The following SRPK1 variants were observed in gnomAD, a reference collection of about 807,000 sequenced individuals.
SRPK1 encodes SRSF protein kinase 1.
A neutral mutation model predicts 89.5 loss-of-function variants in SRPK1; 52 were observed. The ratio of observed to expected loss-of-function variants is 0.58; its 90% CI spans 0.46 to 0.73. The LOEUF (loss-of-function observed/expected upper bound fraction) is 0.73. Among genes scored for constraint, SRPK1 ranks in the 30% least tolerant of loss-of-function variants. The pLI is 0.00. For synonymous variants in SRPK1, 255 were observed against 270.2 expected, an observed-to-expected ratio of 0.94 and a Z score of 0.55; for missense variants, 603 against 780.6, an observed-to-expected ratio of 0.77 and a Z score of 2.71.
chr6:35,920,660 G>C (rs1436757234), intron 1 of SRPK1, 132 bp from the exon 2 acceptor site: 1 of 558,990 alleles, frequency 1.8e-6, no homozygotes, highest in African/African-American at 2.0e-5. Flanking sequence ...GCTCCGGCGA[G>C]GCGGCCGGCC....
intron 13 of SRPK1, 130 bp from the exon 14 acceptor site, chr6:35,842,734 A>AG (rs1769338473): frequency 1.9e-6 from 1 of 516,350 alleles, no homozygotes; most frequent in African/African-American, 2.0e-5. Flanking sequence ...TTTAAAAAAA[A>AG]AAAAAAACAA....
At chr6:35,897,501 TA>T (rs1385700019) in intron 2 of SRPK1, among the ~76,000 whole-genome samples, 2 of 152,200 alleles carry the variant, frequency 1.3e-5, no homozygotes, top group African/African-American at 4.8e-5. Context: ...ATGTAGCAGT[TA>T]TTTAATTAAT....
chr6:35,848,953 C>G (rs568157997), intron 13 of SRPK1, among the ~76,000 whole-genome samples: 26 of 151,950 alleles, frequency 1.7e-4, no homozygotes, highest in Non-Finnish European at 2.8e-4. Flanking sequence ...TGGATTTGAC[C>G]CCAAAAGCCC....
chr6:35,863,255 AG>A (rs1421840275), intron 12 of SRPK1, among the ~76,000 whole-genome samples: 2 of 152,014 alleles, frequency 1.3e-5, no homozygotes, highest in Non-Finnish European at 2.9e-5. Context: ...GAGAACTTGA[AG>A]ACAGGTCCTC....
At chr6:35,902,593 CT>C (rs2127264166) in intron 2 of SRPK1, among the ~76,000 whole-genome samples, 1 of 152,288 alleles carries the variant, frequency 6.6e-6, no homozygotes, top group South Asian at 2.1e-4. Context: ...ACCTTGCCAT[CT>C]ACAGATAAGG....
intron 1 of SRPK1, 181 bp downstream of exon 1, chr6:35,920,863 C>G: frequency 3.3e-6 from 2 of 611,626 alleles, no homozygotes; most frequent in Non-Finnish European, 2.6e-6. Context: ...AGAGGACGCC[C>G]GGACTGAGGG....
chr6:35,871,038 C>T (rs758587573), intron 8 of SRPK1, 79 bp from the exon 9 acceptor site: 5 of 1,224,138 alleles, frequency 4.1e-6, no homozygotes, highest in Non-Finnish European at 5.8e-6. Context: ...AAACACTCTA[C>T]CAGAATGAAA....
intron 2 of SRPK1, among the ~76,000 whole-genome samples, chr6:35,897,892 T>C (rs751406131): frequency 4.3e-4 from 66 of 152,306 alleles, no homozygotes; most frequent in Non-Finnish European, 8.4e-4. Flanking sequence ...AAGAGGTGGG[T>C]TGAATAGATT....
chr6:35,915,768 G>A (rs748670163), intron 2 of SRPK1, among the ~76,000 whole-genome samples: 44 of 151,896 alleles, frequency 2.9e-4, no homozygotes, highest in Non-Finnish European at 5.9e-4. Context: ...GTCAGGAGAT[G>A]GAGACCATTC....
intron 2 of SRPK1, among the ~76,000 whole-genome samples, chr6:35,900,156 T>G (rs1040619396): frequency 6.6e-6 from 1 of 152,308 alleles, no homozygotes; most frequent in East Asian, 1.9e-4. Context: ...AGACTTGAGT[T>G]TGATCCTGGC....
chr6:35,886,624 T>C, intron 6 of SRPK1, 100 bp downstream of exon 6: 1 of 717,126 alleles, frequency 1.4e-6, no homozygotes, highest in Non-Finnish European at 2.5e-6. Flanking sequence ...TTTATTATAG[T>C]TTGCCTTAGA....
rs540235235 is a variant in SRPK1 at position 35,915,984 on chromosome 6, A to C, written c.74+4484T>G. Among the ~76,000 whole-genome samples the C allele has an allele frequency of 4.2e-4, 41 of 97,468 alleles. 2 individuals carry two copies. The highest frequency in any genetic ancestry group is 3.7e-3 in the Admixed American group (36 of 9,636). 63.9% of individuals were successfully genotyped at this position (97,468 alleles called of 152,430 possible). On this transcript the variant is annotated intron_variant, in intron 2 of 15. Transcript: ENST00000373825. The stretch of plus-strand genomic sequence containing the variant: ...GAGACTCTGTCTCAAAAACAAAAAA[A>C]AAAAAAAATATATACACACACACAC...
intron 12 of SRPK1, among the ~76,000 whole-genome samples, chr6:35,863,308 T>G (rs1241699421): frequency 1.3e-5 from 2 of 150,962 alleles, no homozygotes; most frequent in Non-Finnish European, 3.0e-5. Context: ...ATAAAAAAAA[T>G]TAGCTGAGCC....
At chr6:35,852,626 C>T (rs2151082707) in intron 13 of SRPK1, among the ~76,000 whole-genome samples, 1 of 152,322 alleles carries the variant, frequency 6.6e-6, no homozygotes, top group South Asian at 2.1e-4. Flanking sequence ...GTTATAACCA[C>T]CTGCAGACAT....
intron 2 of SRPK1, among the ~76,000 whole-genome samples, chr6:35,900,421 T>A (rs6908433): frequency 0.32 from 47,976 of 152,138 alleles, 7,808 homozygotes; most frequent in South Asian, 0.42. Flanking sequence ...TCTGTAGATA[T>A]CCCAGGTACT....
chr6:35,837,781 C>T (rs1256441257), intron 15 of SRPK1, among the ~76,000 whole-genome samples: 3 of 151,724 alleles, frequency 2.0e-5, no homozygotes, highest in Admixed American at 6.6e-5. Context: ...TGGTCTTGAA[C>T]TCCTAGACTC....
intron 2 of SRPK1, among the ~76,000 whole-genome samples, chr6:35,912,994 C>T (rs894737643): frequency 1.3e-5 from 2 of 152,182 alleles, no homozygotes; most frequent in Non-Finnish European, 1.5e-5. Flanking sequence ...GTTGCCCAGG[C>T]TAATCTCAAG....
chr6:35,846,952 TC>T (rs1769439692), intron 13 of SRPK1, among the ~76,000 whole-genome samples: 1 of 152,156 alleles, frequency 6.6e-6, no homozygotes, highest in African/African-American at 2.4e-5. Flanking sequence ...AAATTCAGCA[TC>T]CTTTCATGAT....
intron 6 of SRPK1, among the ~76,000 whole-genome samples, chr6:35,881,769 C>T (rs1770296783): frequency 6.6e-6 from 1 of 151,374 alleles, no homozygotes; most frequent in Admixed American, 6.6e-5. Flanking sequence ...CAAAAACTGA[C>T]AGAATTAAAG....
Sources: gnomAD v4.1 joint callset for allele counts (sites outside exome capture counted in the v4.1 genomes callset) on GRCh38, gnomAD v4.1.1 for gene constraint, MANE v1.5 for transcripts, NCBI Gene and HGNC (gene_info 2026-07-23, HGNC 2026-07-21) for gene names.